ZNF274: variants seen among roughly 807,000 people sequenced by gnomAD.
ZNF274 encodes the protein zinc finger protein 274, also known as neurotrophin receptor-interacting factor homolog.
ZNF274 carries 23 observed loss-of-function variants against 42.5 expected under a neutral mutation model. The observed-to-expected ratio is 0.54, with a 90% CI of 0.39 to 0.77. The LOEUF (loss-of-function observed/expected upper bound fraction) is 0.77, where lower values mean the gene tolerates loss of function less well. Ranked by LOEUF, ZNF274 falls within the 30% of genes least tolerant of loss-of-function variation. The pLI, the probability that ZNF274 is intolerant of heterozygous loss-of-function variation, is 0.00. For missense variants in ZNF274, 679 were observed against 806.5 expected, an observed-to-expected ratio of 0.84 and a Z score of 1.91; for synonymous variants, 292 against 305.4, an observed-to-expected ratio of 0.96 and a Z score of 0.46.
intron 4 of ZNF274, among the ~76,000 whole-genome samples, chr19:58,199,622 A>G (rs1451626313): frequency 1.3e-5 from 2 of 152,210 alleles, no homozygotes; most frequent in East Asian, 3.8e-4. Flanking sequence ...CTGAGGCATG[A>G]GAATTGCTTG....
chr19:58,201,457 C>G (rs886289991), intron 4 of ZNF274, among the ~76,000 whole-genome samples: 4 of 152,090 alleles, frequency 2.6e-5, no homozygotes, highest in African/African-American at 7.2e-5. Flanking sequence ...AGAACCAAAC[C>G]GGATCATCCA....
At chr19:58,185,645 C>T (rs1042729262) in intron 2 of ZNF274, 67 bp from the exon 3 acceptor site, 13 of 1,369,398 alleles carry the variant, frequency 9.5e-6, no homozygotes, top group Non-Finnish European at 1.0e-5. Flanking sequence ...GCCTGGTCAG[C>T]CTCCCCTGTC....
Position 58,212,054 on chromosome 19 carries a change from AG to A in ZNF274, c.980-106del. On this transcript the variant is annotated intron_variant, in intron 7 of 7. Coordinates refer to ENST00000617501, the MANE Select transcript of ZNF274 (RefSeq NM_133502.3). This position sits in a 1 kb window ranked among gnomAD's most constrained non-coding sequence, Gnocchi z 4.6. The stretch of plus-strand genomic sequence containing the variant: ...TCCAGGTTGCATGACTCTATTTGGG[AG>A]AAAAAAAAAATCCTGACTTTTGAAC... 1 of 1,363,082 alleles carries A rather than the reference AG, an allele frequency of 7.3e-7. No individual in the cohort carries two copies. Among genetic ancestry groups the A allele is most frequent in the South Asian group, 1.4e-5 (1 of 69,610 alleles). The allele number at this position is 1,363,082 out of a possible 1,614,324, so 84.4% of individuals were successfully genotyped here.
chr19:58,203,064 A>T (rs2075933457), intron 4 of ZNF274, among the ~76,000 whole-genome samples: 1 of 152,230 alleles, frequency 6.6e-6, no homozygotes, highest in Non-Finnish European at 1.5e-5. Flanking sequence ...GGAATACAAA[A>T]ATGAAATTTT....
rs2076022374 is a variant in ZNF274, at chr19:58,210,018, A to C, written c.797A>C (p.Gln266Pro). ...ACCTGCTGCCTCGAGGTCACTGCCC[A>C]GCAGGAGGAGAAGCAGGAGGATGCA... ...GTTCCLEVTA[Q>P]QEEKQEDAAI... The change falls in exon 6 of 8, where the codon CAG (glutamine) becomes CCG (proline). Residue 266 changes from glutamine (Q) to proline (P), a missense_variant. Coordinates refer to ENST00000617501, the MANE Select transcript of ZNF274 (RefSeq NM_133502.3). The C allele has an allele frequency of 6.2e-7, 1 of 1,613,684 alleles. No individual in the cohort carries two copies. The highest frequency in any genetic ancestry group is 8.5e-7 in the Non-Finnish European group (1 of 1,179,800).
chr19:58,202,864 T>G (rs963639089), intron 4 of ZNF274, among the ~76,000 whole-genome samples: 1 of 152,230 alleles, frequency 6.6e-6, no homozygotes, highest in Admixed American at 6.5e-5. Context: ...CTCTGTTCAC[T>G]GTGGTGTCCT....
rs1206216268 is a variant in ZNF274, at chr19:58,213,547, G to A, written c.*404G>A. 1.1e-5 allele frequency: 2 copies of A among 174,290 alleles called. No individual in the cohort carries two copies. The highest frequency in any genetic ancestry group is 2.5e-5 in the Non-Finnish European group (2 of 80,048). The allele number at this position is 174,290 out of a possible 1,614,324, so 10.8% of individuals were successfully genotyped here. On this transcript the variant is annotated 3_prime_UTR_variant, in exon 8 of 8. Coordinates refer to ENST00000617501, the MANE Select transcript of ZNF274 (RefSeq NM_133502.3). Reference sequence around the variant, plus strand: ...AGATAATGTGGATAAATAAACTATTGATCTATGTCTGTGTAGAACCTGTGT... The same window carrying A: ...AGATAATGTGGATAAATAAACTATTAATCTATGTCTGTGTAGAACCTGTGT...
At chr19:58,191,400 G>A (rs926479087) in intron 4 of ZNF274, among the ~76,000 whole-genome samples, 11 of 152,342 alleles carry the variant, frequency 7.2e-5, no homozygotes, top group Admixed American at 2.0e-4. Flanking sequence ...GCCTCCCAAA[G>A]TGCTGGTATT....
chr19:58,202,219 C>G (rs562802635), intron 4 of ZNF274: 1 of 152,332 alleles, frequency 6.6e-6, no homozygotes, highest in South Asian at 2.1e-4. Context: ...GTATACCTGG[C>G]TAATCAGCAT....
At chr19:58,197,479 T>A (rs976967201) in intron 4 of ZNF274, among the ~76,000 whole-genome samples, 6 of 152,252 alleles carry the variant, frequency 3.9e-5, no homozygotes, top group African/African-American at 1.4e-4. Context: ...TCTAATTTGC[T>A]TATTATCTGA....
Position 58,207,794 on chromosome 19 carries a change from G to C in ZNF274, c.739+592G>C, listed in dbSNP as rs1281052345. ...TGGAAGGGAGCAGAGGTTGGAGCTG[G>C]CACTGCCAGTGGGGACTTTAGTCCT... On this transcript the variant is annotated intron_variant, in intron 5 of 7. Transcript: ENST00000617501. The surrounding 1 kb of genome is among the most constrained non-coding windows in gnomAD (Gnocchi z 5.6). Among the ~76,000 whole-genome samples the C allele has an allele frequency of 6.6e-6, 1 of 152,234 alleles. No homozygotes were observed. The highest frequency in any genetic ancestry group is 1.5e-5 in the Non-Finnish European group (1 of 68,042).
intron 4 of ZNF274, among the ~76,000 whole-genome samples, chr19:58,205,261 G>T (rs1156691120): frequency 6.6e-6 from 1 of 152,170 alleles, no homozygotes; most frequent in Non-Finnish European, 1.5e-5. Flanking sequence ...GAAATTGCAG[G>T]TTTGCTCTTG....
chr19:58,213,325 G>A lies in ZNF274; in HGVS notation c.*182G>A, dbSNP rs1197112499. On this transcript the variant is annotated 3_prime_UTR_variant, in exon 8 of 8. Coordinates refer to ENST00000617501, the MANE Select transcript of ZNF274 (RefSeq NM_133502.3). ...AATGAATAAATAAGAAAATGAGTGAGGAGTTATTAACATCATTTGGAAAAA... is the reference window on the plus strand; with the variant it reads ...AATGAATAAATAAGAAAATGAGTGAAGAGTTATTAACATCATTTGGAAAAA... 2 of 627,928 alleles carry A rather than the reference G, an allele frequency of 3.2e-6. No homozygotes were observed. Among genetic ancestry groups the A allele is most frequent in the Admixed American group, 3.6e-5 (1 of 27,650 alleles). The allele number at this position is 627,928 out of a possible 1,614,324, so 38.9% of individuals were successfully genotyped here.
At chr19:58,199,046 G>A (rs2075877244) in intron 4 of ZNF274, among the ~76,000 whole-genome samples, 1 of 151,844 alleles carries the variant, frequency 6.6e-6, no homozygotes, top group South Asian at 2.1e-4. Context: ...GTGTGCTGGG[G>A]TGCGCACCTC....
intron 4 of ZNF274, among the ~76,000 whole-genome samples, chr19:58,188,296 G>A (rs2075723803): frequency 1.3e-5 from 2 of 150,748 alleles, no homozygotes; most frequent in South Asian, 4.2e-4. Flanking sequence ...AGGCTGAGGT[G>A]GGAGGTTGTT....
intron 4 of ZNF274, among the ~76,000 whole-genome samples, chr19:58,194,943 G>T (rs1168500095): frequency 6.6e-6 from 1 of 152,024 alleles, no homozygotes; most frequent in Non-Finnish European, 1.5e-5. Flanking sequence ...GGAGCTTGCA[G>T]TGAGCTGAAA....
chr19:58,196,366 A>G (rs1457752736), intron 4 of ZNF274, among the ~76,000 whole-genome samples: 2 of 152,166 alleles, frequency 1.3e-5, no homozygotes, highest in African/African-American at 4.8e-5. Flanking sequence ...TTTGAGACCA[A>G]CCTGGGCAAC....
chr19:58,184,281 CT>C (rs751280702), intron 2 of ZNF274: 23 of 342,760 alleles, frequency 6.7e-5, no homozygotes, highest in Non-Finnish European at 1.1e-4. Context: ...ATTGACAGGT[CT>C]TTTGTTTGTT....
chr19:58,193,445 C>CTTTTTTTTT (rs71188098), intron 4 of ZNF274, among the ~76,000 whole-genome samples: 1 of 47,786 alleles, frequency 2.1e-5, no homozygotes, highest in East Asian at 5.7e-4. Context: ...CGCGCCTGGC[C>CTTTTTTTTT]TTTTTTTTTT....
Sources: gnomAD v4.1 joint callset for allele counts (sites outside exome capture counted in the v4.1 genomes callset) on GRCh38, gnomAD v4.1.1 for gene constraint, Gnocchi (gnomAD v3.1) non-coding constraint, MANE v1.5 for transcripts, NCBI Gene and HGNC (gene_info 2026-07-23, HGNC 2026-07-21) for gene names.